Variants in TRAPPC13 observed in about 807,000 individuals in gnomAD.
TRAPPC13 encodes REV7-interacting novel NHEJ regulator 1.
TRAPPC13 carries 39 observed loss-of-function variants against 54.0 expected under a neutral mutation model. That is an observed-to-expected ratio of 0.72 (90% CI 0.56 to 0.94). The LOEUF is 0.94. TRAPPC13 is among the 40% of genes least tolerant of loss of function. The pLI is 0.00. For synonymous variants in TRAPPC13, 148 were observed against 167.7 expected, an observed-to-expected ratio of 0.88 and a Z score of 0.91; for missense variants, 386 against 488.1, an observed-to-expected ratio of 0.79 and a Z score of 1.97.
intron 7 of TRAPPC13, among the ~76,000 whole-genome samples, chr5:65,655,343 T>C (rs889243711): frequency 6.6e-6 from 1 of 152,322 alleles, no homozygotes; most frequent in South Asian, 2.1e-4. Context: ...TAGAAAGTCA[T>C]GGGGTATACC....
At position 65,655,636 on chromosome 5, in the gene TRAPPC13, A is replaced by C. The variant is rs1402805170; in HGVS notation, c.547A>C (p.Ser183Arg). 2.4e-6 allele frequency: 2 copies of C among 848,822 alleles called. No homozygotes were observed. The highest frequency in any genetic ancestry group is 1.8e-5 in the African/African-American group (1 of 56,792). The allele number at this position is 848,822 out of a possible 1,614,324, so 52.6% of individuals were successfully genotyped here. Residue 183 changes from serine to arginine, a missense_variant and splice_region_variant, in exon 8 of 13, where the codon AGT becomes CGT. By Grantham distance (110) the Ser-to-Arg change is moderately radical. Coordinates refer to ENST00000399438, the MANE Select transcript of TRAPPC13 (RefSeq NM_024941.4). The stretch of plus-strand genomic sequence containing the variant: ...TTATTCTTTTTTATTTTTCCATTAG[A>C]GTGACCTCAGTTCTGTGGTAATTTG... ...DVKTKFYNAE[S>R]DLSSVTDEVF...
chr5:65,651,524 T>C (rs1443372960), intron 6 of TRAPPC13, among the ~76,000 whole-genome samples: 1 of 151,970 alleles, frequency 6.6e-6, no homozygotes, highest in Admixed American at 6.6e-5. Flanking sequence ...TGACTTAGAG[T>C]AGACTGAGCT....
In TRAPPC13 at chr5:65,664,819, C is replaced by T. The variant is rs896844390; in HGVS notation, c.*208C>T. On this transcript the variant is annotated 3_prime_UTR_variant, in exon 13 of 13. Transcript: ENST00000399438. The stretch of plus-strand genomic sequence containing the variant: ...GAAATGAACATGTGTATATTTTCTA[C>T]ACCTATTATTTAATTTCATTTCATT... 5.8e-5 allele frequency: 32 copies of T among 553,780 alleles called. No homozygotes were observed. The highest frequency in any genetic ancestry group is 8.5e-5 in the Non-Finnish European group (27 of 317,390). 34.3% of individuals were successfully genotyped at this position (553,780 alleles called of 1,614,324 possible).
At chr5:65,647,252 C>A in intron 5 of TRAPPC13, 70 bp downstream of exon 5, 2 of 1,417,060 alleles carry the variant, frequency 1.4e-6, no homozygotes, top group South Asian at 1.4e-5. Flanking sequence ...TTTTTGCTTT[C>A]TTTTCATTCA....
intron 10 of TRAPPC13, 48 bp downstream of exon 10, chr5:65,660,945 G>C (rs889761320): frequency 2.1e-5 from 32 of 1,492,576 alleles, no homozygotes; most frequent in Non-Finnish European, 2.4e-5. Flanking sequence ...TGAAAGACAG[G>C]TAGTTAGAAC....
Position 65,660,692 on chromosome 5 carries a change from CT to C in TRAPPC13, c.699-6del, listed in dbSNP as rs1319969659. 6.3e-7 allele frequency: 1 copy of C among 1,584,186 alleles called. No individual in the cohort carries two copies. The highest frequency in any genetic ancestry group is 8.6e-7 in the Non-Finnish European group (1 of 1,166,544). Reference sequence around the variant, plus strand: ...ATTTTCTCCGTCTCTGTCTCCACCCCTCTCAGTGTGTCTACGTTTGGGTCAA... The same window carrying C: ...ATTTTCTCCGTCTCTGTCTCCACCCCCTCAGTGTGTCTACGTTTGGGTCAA... On this transcript the variant is annotated splice_polypyrimidine_tract_variant and splice_region_variant and intron_variant, in intron 9 of 12. Coordinates refer to ENST00000399438, the MANE Select transcript of TRAPPC13 (RefSeq NM_024941.4).
chr5:65,655,156 C>T (rs948674370), intron 7 of TRAPPC13, among the ~76,000 whole-genome samples: 7 of 152,012 alleles, frequency 4.6e-5, no homozygotes, highest in African/African-American at 1.7e-4. Flanking sequence ...CCCCACATTC[C>T]CTGAAGTGAT....
chr5:65,644,749 C>T (rs1465272179), intron 4 of TRAPPC13, among the ~76,000 whole-genome samples: 4 of 151,402 alleles, frequency 2.6e-5, no homozygotes, highest in Non-Finnish European at 5.9e-5. Context: ...GGCTTAGTGC[C>T]GCTTGCCTGT....
intron 4 of TRAPPC13, among the ~76,000 whole-genome samples, chr5:65,644,304 G>C (rs993414045): frequency 6.6e-6 from 1 of 152,066 alleles, no homozygotes; most frequent in African/African-American, 2.4e-5. Context: ...AGCCTCCCGA[G>C]TAGCTGGGAT....
intron 5 of TRAPPC13, among the ~76,000 whole-genome samples, chr5:65,648,347 C>T (rs1756289198): frequency 6.6e-6 from 1 of 152,198 alleles, no homozygotes; most frequent in Non-Finnish European, 1.5e-5. Context: ...TTCTATAGCA[C>T]CCACCATTTA....
chr5:65,633,302 G>T (rs1318667169), intron 1 of TRAPPC13, among the ~76,000 whole-genome samples: 14 of 151,090 alleles, frequency 9.3e-5, no homozygotes, highest in African/African-American at 3.2e-4. Context: ...TTTTTTTGAG[G>T]CGGGGTCTTG....
intron 4 of TRAPPC13, among the ~76,000 whole-genome samples, chr5:65,638,492 A>G (rs1188797215): frequency 1.3e-5 from 2 of 152,220 alleles, no homozygotes; most frequent in Non-Finnish European, 1.5e-5. Context: ...GAGACATGGT[A>G]ATCAGAGGCA....
At chr5:65,636,828 A>G (rs1755766961) in intron 3 of TRAPPC13, among the ~76,000 whole-genome samples, 1 of 152,158 alleles carries the variant, frequency 6.6e-6, no homozygotes, top group South Asian at 2.1e-4. Context: ...AGAATTTGAG[A>G]CAAAAAGAAA....
In TRAPPC13 at chr5:65,630,763, T is replaced by A. The variant is rs1755512266; in HGVS notation, c.47-4538T>A. 8.0e-6 allele frequency: 6 copies of A among 746,000 alleles called. No homozygotes were observed. The South Asian group carries it at 3.1e-4, about 38-fold the overall frequency. The allele number at this position is 746,000 out of a possible 1,614,324, so 46.2% of individuals were successfully genotyped here. A position where few individuals can be genotyped will look rare whatever the true frequency, so the allele number is the denominator to read the frequency against. Reference sequence around the variant, plus strand: ...TTCAAAGTGGGAGACTAGTCTAGATTTATAATGATGTTTCCAAAGATATGT... The same window carrying A: ...TTCAAAGTGGGAGACTAGTCTAGATATATAATGATGTTTCCAAAGATATGT... On this transcript the variant is annotated intron_variant, in intron 1 of 12. Coordinates refer to ENST00000399438, the MANE Select transcript of TRAPPC13 (RefSeq NM_024941.4).
intron 1 of TRAPPC13, chr5:65,626,312 G>C (rs1478851125): frequency 6.6e-6 from 1 of 152,206 alleles, no homozygotes; most frequent in Non-Finnish European, 1.5e-5. Flanking sequence ...CTCTTTCCAA[G>C]AGTCCGTGTT....
intron 11 of TRAPPC13, chr5:65,664,022 T>G (rs1756934306): frequency 2.0e-6 from 1 of 508,352 alleles, no homozygotes; most frequent in Non-Finnish European, 3.4e-6. Context: ...GGCAGATTAG[T>G]CTGAGGCTAT....
chr5:65,650,923 T>G (rs756882093), intron 6 of TRAPPC13, 41 bp downstream of exon 6: 1 of 1,412,036 alleles, frequency 7.1e-7, no homozygotes, highest in South Asian at 1.2e-5. Flanking sequence ...TATATGCCTT[T>G]TTCTTCCTGG....
chr5:65,663,191 A>G (rs1756904575), intron 11 of TRAPPC13: 1 of 151,996 alleles, frequency 6.6e-6, no homozygotes, highest in African/African-American at 2.4e-5. Flanking sequence ...CCAGCTCACA[A>G]GTGTTATTTT....
chr5:65,642,916 A>G (rs927407708), intron 4 of TRAPPC13, among the ~76,000 whole-genome samples: 1 of 152,224 alleles, frequency 6.6e-6, no homozygotes, highest in Non-Finnish European at 1.5e-5. Flanking sequence ...TTAAAAATTG[A>G]TGGTGGAAGA....
Sources: gnomAD v4.1 joint callset for allele counts (sites outside exome capture counted in the v4.1 genomes callset) on GRCh38, gnomAD v4.1.1 for gene constraint, MANE v1.5 for transcripts, NCBI Gene and HGNC (gene_info 2026-07-23, HGNC 2026-07-21) for gene names.